Variants in RNF212B observed in about 807,000 individuals in gnomAD.
RNF212B encodes the protein E3 ubiquitin-protein ligase RNF212B.
RNF212B carries 52 observed loss-of-function variants against 55.5 expected under a neutral mutation model. The ratio of observed to expected loss-of-function variants is 0.94; its 90% CI spans 0.75 to 1.18. The LOEUF (loss-of-function observed/expected upper bound fraction) is 1.18, where lower values mean the gene tolerates loss of function less well. RNF212B is among the 50% of genes most tolerant of loss of function. The probability of loss-of-function intolerance (pLI) is 0.00; values close to 1 mark genes in which losing one functional copy is unlikely to be tolerated. For missense variants in RNF212B, 289 were observed against 350.4 expected (o/e 0.82, Z 1.40); for synonymous variants, 99 against 121.4 (o/e 0.82, Z 1.21).
At chr14:23,201,883 A>G (rs1230203877) in intron 2 of RNF212B, among the ~76,000 whole-genome samples, 3 of 152,168 alleles carry the variant, frequency 2.0e-5, no homozygotes, top group Admixed American at 6.5e-5. Flanking sequence ...AAATTTTGTA[A>G]GCAATCTATA....
At chr14:23,267,677 C>T (rs1304104201) in intron 11 of RNF212B, among the ~76,000 whole-genome samples, 1 of 152,158 alleles carries the variant, frequency 6.6e-6, no homozygotes, top group Non-Finnish European at 1.5e-5. Flanking sequence ...GATCTGCCTG[C>T]CTCGGCCTCC....
upstream of RNF212B, among the ~76,000 whole-genome samples, chr14:23,236,913 A>G (rs1260091053): frequency 6.7e-6 from 1 of 150,006 alleles, no homozygotes; most frequent in Non-Finnish European, 1.5e-5. Flanking sequence ...ATTGTTATCT[A>G]GAATGCTTCT....
intron 1 of RNF212B, among the ~76,000 whole-genome samples, chr14:23,191,730 T>C (rs1372711147): frequency 1.3e-5 from 2 of 152,194 alleles, no homozygotes; most frequent in African/African-American, 4.8e-5. Flanking sequence ...ACTGTCTTCT[T>C]TTGTATATGT....
chr14:23,242,139 C>T (rs913292475), intron 2 of RNF212B, among the ~76,000 whole-genome samples: 1 of 123,450 alleles, frequency 8.1e-6, no homozygotes, highest in South Asian at 2.9e-4. Flanking sequence ...AACCTTTAGT[C>T]CCCAGAGAAA....
At chr14:23,237,919 C>A (rs1307622840), upstream of RNF212B, among the ~76,000 whole-genome samples, 1 of 152,226 alleles carries the variant, frequency 6.6e-6, no homozygotes, top group Non-Finnish European at 1.5e-5. Flanking sequence ...TCTCACACCG[C>A]CTCGGCTGCG....
chr14:23,217,304 A>T (rs958105806), intron 2 of RNF212B, among the ~76,000 whole-genome samples: 1 of 151,844 alleles, frequency 6.6e-6, no homozygotes, highest in African/African-American at 2.4e-5. Flanking sequence ...GAGCGGGAAG[A>T]ACTTTATATT....
At chr14:23,259,606 G>A in intron 5 of RNF212B, 1 of 243,810 alleles carries the variant, frequency 4.1e-6, no homozygotes, top group Non-Finnish European at 7.8e-6. Context: ...ACATCAGCAG[G>A]CCAGGGGTGT....
At chr14:23,239,593 T>C (rs1197234433) in intron 1 of RNF212B, among the ~76,000 whole-genome samples, 1 of 152,122 alleles carries the variant, frequency 6.6e-6, no homozygotes, top group African/African-American at 2.4e-5. Flanking sequence ...TTTTATATTT[T>C]TAGGATTGTA....
chr14:23,193,698 G>C (rs1226815947), intron 2 of RNF212B, among the ~76,000 whole-genome samples: 1 of 150,624 alleles, frequency 6.6e-6, no homozygotes, highest in Non-Finnish European at 1.5e-5. Flanking sequence ...ATTTGGCTCA[G>C]CAATAAAGAA....
At chr14:23,196,946 A>G (rs1381636397) in intron 2 of RNF212B, among the ~76,000 whole-genome samples, 1 of 152,098 alleles carries the variant, frequency 6.6e-6, no homozygotes, top group Non-Finnish European at 1.5e-5. Flanking sequence ...TTTTATGATT[A>G]ATGTCTACCT....
chr14:23,228,338 AG>A (rs35114789), intron 2 of RNF212B, among the ~76,000 whole-genome samples: 4 of 151,350 alleles, frequency 2.6e-5, no homozygotes, highest in South Asian at 4.2e-4. Context: ...GCAAAAGAAC[AG>A]GCTGGCCAGG....
chr14:23,254,978 A>G lies in RNF212B; in HGVS notation c.229-3571A>G, dbSNP rs1166206410. On this transcript the variant is annotated intron_variant, in intron 4 of 14. Coordinates refer to ENST00000430154, the MANE Select transcript of RNF212B (RefSeq NM_001282322.3). ...TTGGTTTGGATTGAGTTTCTGTACT[A>G]GGTCCAACAGACCAAACCAAAATGG... Among the ~76,000 whole-genome samples the G allele has an allele frequency of 4.6e-5, 7 of 152,390 alleles. No individual in the cohort carries two copies. In the East Asian group the frequency reaches 1.2e-3, roughly 25 times the overall value.
upstream of RNF212B, among the ~76,000 whole-genome samples, chr14:23,234,985 A>T (rs541812174): frequency 5.6e-4 from 85 of 152,134 alleles, no homozygotes; most frequent in Middle Eastern, 3.2e-3. Context: ...AGGCCGAGGC[A>T]GGTGGATCAC....
intron 11 of RNF212B, among the ~76,000 whole-genome samples, chr14:23,265,279 T>A (rs952576008): frequency 6.6e-6 from 1 of 152,220 alleles, no homozygotes; most frequent in Non-Finnish European, 1.5e-5. Context: ...CAAGATGGCA[T>A]TACAAGCTAA....
intron 2 of RNF212B, among the ~76,000 whole-genome samples, chr14:23,214,174 G>A (rs1880847693): frequency 6.6e-6 from 1 of 152,248 alleles, no homozygotes; most frequent in East Asian, 1.9e-4. Context: ...AAAGTAGAAA[G>A]TCTCAGCAAA....
intron 11 of RNF212B, among the ~76,000 whole-genome samples, chr14:23,265,758 G>T (rs978663195): frequency 6.6e-6 from 1 of 151,940 alleles, no homozygotes; most frequent in African/African-American, 2.4e-5. Context: ...TCTATTATCT[G>T]TTTCATTTAC....
intron 2 of RNF212B, among the ~76,000 whole-genome samples, chr14:23,200,104 CCATTTTACTAAAGATAAAT>C (rs1879142321): frequency 6.6e-6 from 1 of 151,480 alleles, no homozygotes; most frequent in Non-Finnish European, 1.5e-5. Context: ...CTCTAGTTTC[CCATTTTACTAAAGATAAAT>C]CATGGTAGGA....
intron 2 of RNF212B, among the ~76,000 whole-genome samples, chr14:23,228,018 G>A (rs890825749): frequency 1.3e-5 from 2 of 152,066 alleles, no homozygotes; most frequent in Admixed American, 1.3e-4. Flanking sequence ...ATCACCTGAG[G>A]TCGGGAGTTC....
At chr14:23,200,948 A>G (rs886180018) in intron 2 of RNF212B, among the ~76,000 whole-genome samples, 1 of 152,256 alleles carries the variant, frequency 6.6e-6, no homozygotes, top group Non-Finnish European at 1.5e-5. Context: ...TAGTTTTCAA[A>G]TTCTGGAGAA....
Sources: gnomAD v4.1 joint callset for allele counts (sites outside exome capture counted in the v4.1 genomes callset) on GRCh38, gnomAD v4.1.1 for gene constraint, MANE v1.5 for transcripts, NCBI Gene and HGNC (gene_info 2026-07-23, HGNC 2026-07-21) for gene names.